ERCC6: variants seen among roughly 807,000 people sequenced by gnomAD.
The protein encoded by ERCC6 is ERCC excision repair 6, chromatin remodeling factor, also known as DNA excision repair protein ERCC-6.
Under a neutral mutation model 158.7 loss-of-function variants are expected in ERCC6, and 116 were observed. The ratio of observed to expected loss-of-function variants is 0.73; its 90% CI spans 0.63 to 0.85. The LOEUF is 0.85. Ranked by LOEUF, ERCC6 falls within the 40% of genes least tolerant of loss-of-function variation. The pLI, the probability that ERCC6 is intolerant of heterozygous loss-of-function variation, is 0.00. For synonymous variants in ERCC6, 678 were observed against 659.3 expected, an observed-to-expected ratio of 1.03 and a Z score of -0.43; for missense variants, 1,698 against 1,799.4, an observed-to-expected ratio of 0.94 and a Z score of 1.02.
intron 6 of ERCC6, chr10:49,504,959 C>G (rs902298057): frequency 6.6e-6 from 1 of 152,244 alleles, no homozygotes; most frequent in Admixed American, 6.5e-5. Flanking sequence ...AAAGAGCATG[C>G]TGTTTTTAAG....
chr10:49,474,971 C>T (rs1377905224), intron 12 of ERCC6, among the ~76,000 whole-genome samples: 9 of 152,106 alleles, frequency 5.9e-5, no homozygotes, highest in South Asian at 2.1e-4. Context: ...ACCATTAAGC[C>T]AATAATCAAA....
At chr10:49,444,816 A>T in the ERCC6 span, among the ~76,000 whole-genome samples, 1 of 152,224 alleles carries the variant, frequency 6.6e-6, no homozygotes, top group Admixed American at 6.5e-5. Flanking sequence ...TCACACATGC[A>T]TGCATGCACA....
chr10:49,461,790 A>G (rs1032338049), intron 18 of ERCC6, among the ~76,000 whole-genome samples: 1 of 152,206 alleles, frequency 6.6e-6, no homozygotes, highest in Non-Finnish European at 1.5e-5. Context: ...CCAGCTAAAA[A>G]TATAATGGTG....
At chr10:49,486,835 A>G (rs1317967762) in intron 8 of ERCC6, among the ~76,000 whole-genome samples, 1 of 152,228 alleles carries the variant, frequency 6.6e-6, no homozygotes, top group Non-Finnish European at 1.5e-5. Flanking sequence ...AAAATATAGA[A>G]AAAGAATGGA....
At position 49,471,086 on chromosome 10, in the gene ERCC6, G is replaced by T. The variant is rs760686954; in HGVS notation, c.2959C>A (p.Leu987Ile). 2 of 1,613,744 alleles carry T rather than the reference G, an allele frequency of 1.2e-6. No homozygotes were observed. Among genetic ancestry groups the T allele is most frequent in the African/African-American group, 2.7e-5 (2 of 74,842 alleles). ...AACCGCCTTTGTTTTGGGTCTTTTA[G>T]CACTCTATTTGTCAAAAACTGCTTG... ...IFKQFLTNRV[L>I]KDPKQRRFFK... Residue 987 changes from leucine to isoleucine, a missense_variant, in exon 17 of 21, where the codon CTA (leucine) becomes ATA (isoleucine). By Grantham distance (5) the Leu-to-Ile change is conservative (BLOSUM62 2). Transcript: ENST00000355832.
intron 10 of ERCC6, among the ~76,000 whole-genome samples, chr10:49,479,407 T>G (rs1850937671): frequency 6.6e-6 from 1 of 152,224 alleles, no homozygotes; most frequent in Non-Finnish European, 1.5e-5. Context: ...CATATATGTA[T>G]GTGTGTGTAT....
In ERCC6 at chr10:49,493,174, C is replaced by G. The variant is rs763486269; in HGVS notation, c.1764G>C (p.Trp588Cys). 1 of 1,614,080 alleles carries G rather than the reference C, an allele frequency of 6.2e-7. No individual in the cohort carries two copies. The highest frequency in any genetic ancestry group is 1.1e-5 in the South Asian group (1 of 91,078). ...MHQWVKEFHT[W>C]WPPFRVAILH... ...GAATTGCCACTCTGAACGGAGGCCA[C>G]CACGTGTGAAATTCCTTCACCCACT... Residue 588 changes from tryptophan (W) to cysteine (C), a missense_variant, in exon 8 of 21, where the codon TGG (tryptophan) becomes TGC (cysteine). By Grantham distance (215) the Trp-to-Cys change is radical. Transcript: ENST00000355832.
At chr10:49,441,162 A>G in the ERCC6 span, among the ~76,000 whole-genome samples, 1 of 152,266 alleles carries the variant, frequency 6.6e-6, no homozygotes, top group African/African-American at 2.4e-5. Flanking sequence ...CCGTGCCTAC[A>G]GATAATTCAT....
chr10:49,534,537 C>T (rs1266943724), intron 1 of ERCC6, among the ~76,000 whole-genome samples: 1 of 152,132 alleles, frequency 6.6e-6, no homozygotes, highest in Non-Finnish European at 1.5e-5. Flanking sequence ...AGTATCTATC[C>T]TGCACACAGA....
At chr10:49,522,250 T>G (rs1192584635) in intron 5 of ERCC6, among the ~76,000 whole-genome samples, 1 of 152,220 alleles carries the variant, frequency 6.6e-6, no homozygotes, top group Non-Finnish European at 1.5e-5. Flanking sequence ...AGATCAGCAA[T>G]GAGTAACAAA....
Sources: allele counts gnomAD v4.1 joint callset (sites outside exome capture counted in the v4.1 genomes callset), GRCh38; gene constraint gnomAD v4.1.1; transcripts MANE v1.5; gene names NCBI Gene and HGNC (gene_info 2026-07-23, HGNC 2026-07-21).